The following RAD21 variants were observed in gnomAD, a reference collection of about 807,000 sequenced individuals.
The protein encoded by RAD21 is RAD21 cohesin complex component.
RAD21 carries 18 observed loss-of-function variants against 71.5 expected under a neutral mutation model. The observed-to-expected ratio is 0.25, with a 90% confidence interval of 0.17 to 0.37. RAD21 has a LOEUF of 0.37. Ranked by LOEUF, RAD21 falls within the 10% of genes least tolerant of loss-of-function variation. The pLI, the probability that RAD21 is intolerant of heterozygous loss-of-function variation, is 1.00. For synonymous variants in RAD21, 248 were observed against 254.0 expected (o/e 0.98, Z 0.22); for missense variants, 493 against 769.1 (o/e 0.64, Z 4.25).
chr8:116,863,286 C>A, intron 2 of RAD21, 27 bp from the exon 3 acceptor site: 1 of 1,590,696 alleles, frequency 6.3e-7, no homozygotes, highest in Non-Finnish European at 8.6e-7. Flanking sequence ...AATCATATTC[C>A]AAAACCTGCA....
chr8:116,857,399 T>C lies in RAD21; in HGVS notation c.556A>G (p.Thr186Ala), dbSNP rs1812491826. 1.2e-6 allele frequency: 2 copies of C among 1,613,402 alleles called. No homozygotes were observed. The highest frequency in any genetic ancestry group is 1.7e-6 in the Non-Finnish European group (2 of 1,179,700). The change falls in exon 6 of 14, where the codon ACT becomes GCT. Residue 186 changes from threonine to alanine, a missense_variant. Physicochemically the swap from Thr to Ala is moderately conservative, Grantham distance 58 (BLOSUM62 0). Transcript: ENST00000297338. ...AFEDDDMLVSTTTSNLLLESE... is the reference protein window; with the variant it reads ...AFEDDDMLVSATTSNLLLESE... ...TCTAATAGGAGGTTAGAAGTAGTAG[T>C]GCTTACTAACATGTCGTCATCCTCA... is the stretch of plus-strand genomic sequence containing the variant.
At chr8:116,870,215 C>T (rs1812784499) in intron 1 of RAD21, among the ~76,000 whole-genome samples, 2 of 152,088 alleles carry the variant, frequency 1.3e-5, no homozygotes, top group South Asian at 2.1e-4. Context: ...ACTCTTCCTC[C>T]CAAATTTGGA....
intron 5 of RAD21, 107 bp from the exon 6 acceptor site, chr8:116,857,580 A>C (rs1812496058): frequency 3.2e-6 from 3 of 944,544 alleles, no homozygotes; most frequent in Admixed American, 2.7e-5. Context: ...TGCTTACTGA[A>C]GTCTTACTTC....
chr8:116,847,455 G>T lies in RAD21; in HGVS notation c.*45C>A, dbSNP rs1181979393. 1.3e-6 allele frequency: 2 copies of T among 1,504,412 alleles called. No homozygotes were observed. The highest frequency in any genetic ancestry group is 1.8e-6 in the Non-Finnish European group (2 of 1,117,106). The allele number at this position is 1,504,412 out of a possible 1,614,324, so 93.2% of individuals were successfully genotyped here. ...TGTCCCCTACACATGGGGGCAATTT[G>T]TAAGCACTAGTGAATCAAACACTAG... On this transcript the variant is annotated 3_prime_UTR_variant, in exon 14 of 14. Coordinates refer to ENST00000297338, the MANE Select transcript of RAD21 (RefSeq NM_006265.3).
chr8:116,873,264 T>A (rs554936850), intron 1 of RAD21, among the ~76,000 whole-genome samples: 13 of 147,714 alleles, frequency 8.8e-5, no homozygotes, highest in South Asian at 2.1e-4. Context: ...TTCTGACTTG[T>A]GTATAAAAAA....
At chr8:116,856,480 G>A (rs1812469448) in intron 7 of RAD21, among the ~76,000 whole-genome samples, 166 bp downstream of exon 7, 1 of 151,956 alleles carries the variant, frequency 6.6e-6, no homozygotes, top group Non-Finnish European at 1.5e-5. Flanking sequence ...AATGGGGAGG[G>A]GTGCAAGATT....
intron 4 of RAD21, 122 bp from the exon 5 acceptor site, chr8:116,858,580 C>A: frequency 1.6e-6 from 1 of 639,838 alleles, no homozygotes; most frequent in Admixed American, 3.0e-5. Flanking sequence ...TTTTAGAAGC[C>A]TTAATATTTA....
chr8:116,859,839 G>A (rs1001919348), intron 4 of RAD21, among the ~76,000 whole-genome samples: 2 of 152,164 alleles, frequency 1.3e-5, no homozygotes, highest in Admixed American at 1.3e-4. Context: ...AAGAAGGCAT[G>A]CCTAAGCTGA....
chr8:116,871,051 T>C (rs1455995493), intron 1 of RAD21, among the ~76,000 whole-genome samples: 2 of 152,068 alleles, frequency 1.3e-5, no homozygotes, highest in Non-Finnish European at 2.9e-5. Context: ...TGGGAAACAA[T>C]TAGCAAGAGG....
In RAD21 at chr8:116,857,279, C is replaced by T; in HGVS notation, c.676G>A (p.Gly226Ser). The change falls in exon 6 of 14, where the codon GGT becomes AGT. Residue 226 changes from glycine to serine, a missense_variant. Gly to Ser is a moderately conservative substitution (Grantham distance 56, BLOSUM62 0). Transcript: ENST00000297338. ...KDDNFGEGND[G>S]GILDDKLISN... The stretch of plus-strand genomic sequence containing the variant: ...CATTCCCACATACCTAATATTCCAC[C>T]ATCATTTCCTTCTCCAAAATTATCA... 1 of 1,604,912 alleles carries T rather than the reference C, an allele frequency of 6.2e-7. No individual in the cohort carries two copies. The highest frequency in any genetic ancestry group is 8.5e-7 in the Non-Finnish European group (1 of 1,174,114).
chr8:116,857,251 C>T lies in RAD21; in HGVS notation c.688+16G>A. The T allele has an allele frequency of 6.3e-7, 1 of 1,580,986 alleles. No homozygotes were observed. The highest frequency in any genetic ancestry group is 8.7e-7 in the Non-Finnish European group (1 of 1,153,748). ...GAAATTCTGTTTATGCTGGAATAAC[C>T]ATCATTCCCACATACCTAATATTCC... On this transcript the variant is annotated intron_variant, in intron 6 of 13. Transcript: ENST00000297338.
chr8:116,868,123 GC>G (rs1263016563), intron 1 of RAD21, among the ~76,000 whole-genome samples: 1 of 152,140 alleles, frequency 6.6e-6, no homozygotes, highest in Admixed American at 6.5e-5. Flanking sequence ...GCTCACTGCA[GC>G]CTTGAACTCC....
chr8:116,870,391 A>C (rs1812795108), intron 1 of RAD21, among the ~76,000 whole-genome samples: 1 of 152,218 alleles, frequency 6.6e-6, no homozygotes, highest in African/African-American at 2.4e-5. Context: ...TTAAAGAATG[A>C]AGAAATACTA....
intron 4 of RAD21, among the ~76,000 whole-genome samples, chr8:116,861,058 AAAT>A (rs1350876442): frequency 1.3e-5 from 2 of 152,166 alleles, no homozygotes; most frequent in Non-Finnish European, 2.9e-5. Flanking sequence ...AAAAATTTTC[AAAT>A]AAAATGTCAA....
chr8:116,856,883 C>T (rs1296273546), intron 6 of RAD21, 112 bp from the exon 7 acceptor site: 1 of 748,708 alleles, frequency 1.3e-6, no homozygotes, highest in Non-Finnish European at 1.9e-6. Context: ...TAAACGTATA[C>T]TCAACTTTTA....
At chr8:116,849,071 A>G (rs1200665718) in intron 12 of RAD21, 42 bp from the exon 13 acceptor site, 1 of 1,434,542 alleles carries the variant, frequency 7.0e-7, no homozygotes. Flanking sequence ...AAACAAGTCC[A>G]ATGAAAAATG....
At position 116,850,636 on chromosome 8, in the gene RAD21, T is replaced by A. The variant is rs148429527; in HGVS notation, c.1602A>T (p.Glu534Asp). The part of the protein sequence containing the change: ...EKEKEKEKEK[E>D]DDEEEEDEDA... ...AGTTTACCTCTTCCTCTTCATCATC[T>A]TCTTTTTCCTTCTCTTTCTCCTTCT... Residue 534 changes from glutamate (E) to aspartate (D), a missense_variant, in exon 12 of 14, where the codon GAA (glutamate) becomes GAT (aspartate). Physicochemically the swap from Glu to Asp is conservative, Grantham distance 45. Around this residue, in one of 5 missense-constraint regions of RAD21, gnomAD observed 225 missense variants for 218.3 expected, o/e 1.03. Transcript: ENST00000297338. The A allele has an allele frequency of 8.5e-5, 136 of 1,608,958 alleles. No individual in the cohort carries two copies. The highest frequency in any genetic ancestry group is 1.7e-4 in the African/African-American group (13 of 74,854).
intron 4 of RAD21, among the ~76,000 whole-genome samples, chr8:116,861,071 A>AAAAGAGAGAAAAAAGT: frequency 6.6e-6 from 1 of 152,270 alleles, no homozygotes; most frequent in African/African-American, 2.4e-5. Context: ...TAAAATGTCA[A>AAAAGAGAGAAAAAAGT]AAAGAGAGAA....
intron 1 of RAD21, among the ~76,000 whole-genome samples, chr8:116,869,557 C>G (rs961589274): frequency 1.3e-5 from 2 of 151,984 alleles, no homozygotes; most frequent in Admixed American, 6.6e-5. Flanking sequence ...TGCATTCTAG[C>G]CTGGGTGACA....
Sources: gnomAD v4.1 joint callset for allele counts (sites outside exome capture counted in the v4.1 genomes callset) on GRCh38, gnomAD v4.1.1 for gene constraint, gnomAD v4.1.1 regional missense constraint, MANE v1.5 for transcripts, NCBI Gene and HGNC (gene_info 2026-07-23, HGNC 2026-07-21) for gene names.